Variants in GAS7 observed in about 807,000 individuals in gnomAD.
The protein encoded by GAS7 is growth arrest specific 7.
GAS7 carries 28 observed loss-of-function variants against 71.1 expected under a neutral mutation model. The observed-to-expected ratio is 0.39, with a 90% CI of 0.29 to 0.54. GAS7 has a LOEUF of 0.54. Ranked by LOEUF, GAS7 falls within the 20% of genes least tolerant of loss-of-function variation. The probability of loss-of-function intolerance (pLI) is 0.62; values close to 1 mark genes in which losing one functional copy is unlikely to be tolerated. For missense variants in GAS7, 436 were observed against 627.8 expected (o/e 0.69, Z 3.27); for synonymous variants, 258 against 245.8 (o/e 1.05, Z -0.46).
chr17:10,158,336 T>TAAAAAAAAAA lies in GAS7; in HGVS notation c.183+39862_183+39871dup, dbSNP rs58514810. 3.6e-3 allele frequency among the ~76,000 whole-genome samples: 298 copies of TAAAAAAAAAA among 83,346 alleles called. 2 individuals carry two copies. Among genetic ancestry groups the TAAAAAAAAAA allele is most frequent in the African/African-American group, 0.012 (293 of 23,552 alleles). 54.7% of individuals were successfully genotyped at this position (83,346 alleles called of 152,430 possible). A position where few individuals can be genotyped will look rare whatever the true frequency, so the allele number is the denominator to read the frequency against. The stretch of plus-strand genomic sequence containing the variant: ...CCAATCCTGTTTTTTCTTTTTTTGG[T>TAAAAAAAAAA]AAAAAAAAAAAAAAAAAAAAAAAAC... On this transcript the variant is annotated intron_variant, in intron 1 of 13. Coordinates refer to ENST00000432992, the MANE Select transcript of GAS7 (RefSeq NM_201433.2).
At chr17:10,028,651 T>C (rs1307330759) in intron 1 of GAS7, among the ~76,000 whole-genome samples, 1 of 124,968 alleles carries the variant, frequency 8.0e-6, no homozygotes, top group Non-Finnish European at 1.8e-5. Flanking sequence ...CAAAAACTCA[T>C]AAGAAGAGAA....
At chr17:10,110,370 T>G (rs751297779) in intron 1 of GAS7, among the ~76,000 whole-genome samples, 2 of 152,130 alleles carry the variant, frequency 1.3e-5, no homozygotes, top group African/African-American at 4.8e-5. Flanking sequence ...TGAGAGTAGA[T>G]AGTTAACTAG....
chr17:10,189,144 T>A (rs1259679001), intron 1 of GAS7, among the ~76,000 whole-genome samples: 4 of 152,118 alleles, frequency 2.6e-5, no homozygotes, highest in Non-Finnish European at 4.4e-5. Flanking sequence ...GATGGACAGA[T>A]GGGGAAAATA....
intron 1 of GAS7, among the ~76,000 whole-genome samples, chr17:10,088,834 T>C (rs914608503): frequency 4.6e-5 from 7 of 151,974 alleles, no homozygotes; most frequent in African/African-American, 1.7e-4. Context: ...AGCTGAACCA[T>C]AGCTTCTCTG....
In GAS7 at chr17:10,032,126, A is replaced by C. The variant is rs912680829; in HGVS notation, c.184-12229T>G. 3.9e-5 allele frequency among the ~76,000 whole-genome samples: 6 copies of C among 152,016 alleles called. No individual in the cohort carries two copies. The East Asian group carries it at 9.7e-4, about 25-fold the overall frequency. On this transcript the variant is annotated intron_variant, in intron 1 of 13. Transcript: ENST00000432992. ...GGGAACCTCAGAAAAAAAAAAAAAA[A>C]AAAACCCTACATTTTGTTCCATTTC...
intron 1 of GAS7, among the ~76,000 whole-genome samples, chr17:10,193,792 C>T (rs576705113): frequency 6.6e-6 from 1 of 152,248 alleles, no homozygotes; most frequent in Admixed American, 6.5e-5. Context: ...GCCCCAGCCA[C>T]CATCTGATTG....
intron 1 of GAS7, among the ~76,000 whole-genome samples, chr17:10,141,991 G>GA (rs200245473): frequency 0.039 from 5,908 of 151,598 alleles, 332 homozygotes; most frequent in East Asian, 0.3. Context: ...CACTTTGGGG[G>GA]GCCGAGGTGG....
chr17:10,160,713 C>T (rs1373422979), intron 1 of GAS7, among the ~76,000 whole-genome samples: 1 of 152,092 alleles, frequency 6.6e-6, no homozygotes, highest in African/African-American at 2.4e-5. Flanking sequence ...CTTTGCTTGT[C>T]GTTTATTTCA....
At chr17:10,125,500 G>C (rs2073937534) in intron 1 of GAS7, among the ~76,000 whole-genome samples, 1 of 145,818 alleles carries the variant, frequency 6.9e-6, no homozygotes, top group Non-Finnish European at 1.5e-5. Flanking sequence ...ACTCCAGCCT[G>C]GGTGACAAGA....
chr17:10,052,823 C>A (rs2073080837), intron 1 of GAS7, among the ~76,000 whole-genome samples: 1 of 152,216 alleles, frequency 6.6e-6, no homozygotes, highest in South Asian at 2.1e-4. Context: ...GCCCCTGCCC[C>A]TGCCCAGCTT....
chr17:9,963,232 A>G (rs1286134196), intron 4 of GAS7, among the ~76,000 whole-genome samples: 1 of 152,140 alleles, frequency 6.6e-6, no homozygotes, highest in African/African-American at 2.4e-5. Context: ...ACAAAAGACC[A>G]CAGATAGTAT....
chr17:10,091,413 G>A (rs565006743), intron 1 of GAS7, among the ~76,000 whole-genome samples: 15 of 152,234 alleles, frequency 9.9e-5, no homozygotes, highest in Admixed American at 6.5e-4. Context: ...GTTTGGGACG[G>A]AGTCTTGCTC....
intron 2 of GAS7, among the ~76,000 whole-genome samples, chr17:10,011,505 C>T (rs138197445): frequency 6.6e-6 from 1 of 152,286 alleles, no homozygotes; most frequent in African/African-American, 2.4e-5. Flanking sequence ...ACTAAGTGAC[C>T]GGCTGGGACT....
chr17:9,960,361 T>C (rs1028523888), intron 4 of GAS7, among the ~76,000 whole-genome samples: 3 of 152,144 alleles, frequency 2.0e-5, no homozygotes, highest in African/African-American at 7.2e-5. Context: ...AGCTAATTTT[T>C]GTATTTTTAG....
At chr17:9,918,226 GA>G in intron 12 of GAS7, 127 bp from the exon 13 acceptor site, 1 of 642,500 alleles carries the variant, frequency 1.6e-6, no homozygotes, top group South Asian at 1.9e-5. Flanking sequence ...TCTGGGGTCT[GA>G]TGAAGAGCGT....
At position 10,103,835 on chromosome 17, in the gene GAS7, CAAAAAA is replaced by C. The variant is rs776629494; in HGVS notation, c.184-83944_184-83939del. Among the ~76,000 whole-genome samples the C allele has an allele frequency of 2.5e-5, 3 of 122,152 alleles. No individual in the cohort carries two copies. The highest frequency in any genetic ancestry group is 8.4e-5 in the Admixed American group (1 of 11,876). 80.1% of individuals were successfully genotyped at this position (122,152 alleles called of 152,430 possible). A position where few individuals can be genotyped will look rare whatever the true frequency, so the allele number is the denominator to read the frequency against. On this transcript the variant is annotated intron_variant, in intron 1 of 13. Coordinates refer to ENST00000432992, the MANE Select transcript of GAS7 (RefSeq NM_201433.2). This position sits in a 1 kb window ranked among gnomAD's most constrained non-coding sequence, Gnocchi z 5.5. Reference sequence around the variant, plus strand: ...AGCAAGACTGCATCTCAAAAAATCTCAAAAAAAAAAAAAAAGAAGCAAACCCATAGA... The same window carrying C: ...AGCAAGACTGCATCTCAAAAAATCTCAAAAAAAAAGAAGCAAACCCATAGA...
intron 1 of GAS7, among the ~76,000 whole-genome samples, chr17:10,031,811 G>T (rs1032890923): frequency 2.0e-5 from 3 of 152,258 alleles, no homozygotes; most frequent in African/African-American, 7.2e-5. Context: ...GCGCCATACG[G>T]CATGATGGGG....
At chr17:9,923,142 C>T (rs1478669082) in intron 11 of GAS7, among the ~76,000 whole-genome samples, 10 of 152,136 alleles carry the variant, frequency 6.6e-5, no homozygotes, top group South Asian at 2.1e-4. Flanking sequence ...CTCCTGACCT[C>T]GTGATCTGCC....
Position 9,919,502 on chromosome 17 carries a change from A to G in GAS7, c.1218+124T>C. Reference sequence around the variant, plus strand: ...ATTGAGGTTTCGACCCCAACACTGAAGTAGATTTGATGACCATCTCCAGGG... The same window carrying G: ...ATTGAGGTTTCGACCCCAACACTGAGGTAGATTTGATGACCATCTCCAGGG... On this transcript the variant is annotated intron_variant, in intron 12 of 13. Coordinates refer to ENST00000432992, the MANE Select transcript of GAS7 (RefSeq NM_201433.2). This position sits in a 1 kb window ranked among gnomAD's most constrained non-coding sequence, Gnocchi z 5.0. 3.9e-6 allele frequency: 3 copies of G among 772,450 alleles called. No homozygotes were observed. The highest frequency in any genetic ancestry group is 7.1e-6 in the Non-Finnish European group (3 of 424,482). 47.8% of individuals were successfully genotyped at this position (772,450 alleles called of 1,614,324 possible).
Sources: allele counts gnomAD v4.1 joint callset (sites outside exome capture counted in the v4.1 genomes callset), GRCh38; gene constraint gnomAD v4.1.1; non-coding constraint Gnocchi (gnomAD v3.1); transcripts MANE v1.5; gene names NCBI Gene and HGNC (gene_info 2026-07-23, HGNC 2026-07-21).